Variants in SCN8A observed in about 807,000 individuals in gnomAD.
The protein encoded by SCN8A is sodium voltage-gated channel alpha subunit 8.
A neutral mutation model predicts 184.1 loss-of-function variants in SCN8A; 30 were observed. The ratio of observed to expected loss-of-function variants is 0.16; its 90% CI spans 0.12 to 0.22. The LOEUF is 0.22. Among genes scored for constraint, SCN8A ranks in the 10% least tolerant of loss-of-function variants. The pLI is 1.00. For missense variants in SCN8A, 1,057 were observed against 2,498.9 expected, an observed-to-expected ratio of 0.42 and a Z score of 12.30; for synonymous variants, 852 against 907.0, an observed-to-expected ratio of 0.94 and a Z score of 1.09.
rs1053543226 is a variant in SCN8A, at chr12:51,721,818, C to T, written c.1908C>T (p.Ser636=). The change falls in exon 12 of 27, where the codon AGC becomes AGT. Residue 636 remains serine, a synonymous_variant. Coordinates refer to ENST00000627620, the MANE Select transcript of SCN8A (RefSeq NM_001330260.2). Reference sequence around the variant, plus strand: ...GCATCTTCCCCAGCCTGCGGCGCAGCGTGAAGCGCAACAGCACGGTGGACT... The same window carrying T: ...GCATCTTCCCCAGCCTGCGGCGCAGTGTGAAGCGCAACAGCACGGTGGACT... ...SSRIFPSLRR[S]VKRNSTVDCN... is the part of the protein sequence containing the mutation. The T allele has an allele frequency of 1.1e-5, 18 of 1,607,212 alleles. No individual in the cohort carries two copies. The highest frequency in any genetic ancestry group is 2.7e-5 in the African/African-American group (2 of 74,932).
chr12:51,604,460 CT>C (rs1049029200), intron 1 of SCN8A, among the ~76,000 whole-genome samples: 21 of 152,050 alleles, frequency 1.4e-4, no homozygotes, highest in African/African-American at 4.8e-4. Context: ...CACACGGTCT[CT>C]TTTTTCCCCA....
chr12:51,610,421 G>T (rs902303083), intron 1 of SCN8A, among the ~76,000 whole-genome samples: 1 of 152,046 alleles, frequency 6.6e-6, no homozygotes, highest in African/African-American at 2.4e-5. Context: ...TGCATTTGTT[G>T]CCTGTGTACT....
intron 1 of SCN8A, among the ~76,000 whole-genome samples, chr12:51,660,527 A>G (rs539898547): frequency 6.6e-6 from 1 of 152,332 alleles, no homozygotes; most frequent in East Asian, 1.9e-4. Context: ...TGTGAAAGGG[A>G]TACAAAAGAA....
rs1395968538 is a variant in SCN8A, at chr12:51,751,497, C to T, written c.2274C>T (p.Ala758=). Residue 758 remains alanine (A), a synonymous_variant, in exon 14 of 27, where the codon GCC becomes GCT. Transcript: ENST00000627620. Reference sequence around the variant, plus strand: ...TTATGGACCCTTTTGTGGATTTAGCCATCACCATCTGCATCGTCCTGAATA... The same window carrying T: ...TTATGGACCCTTTTGTGGATTTAGCTATCACCATCTGCATCGTCCTGAATA... ...LIVMDPFVDL[A]ITICIVLNTL... 1 of 1,613,792 alleles carries T rather than the reference C, an allele frequency of 6.2e-7. No homozygotes were observed. Among genetic ancestry groups the T allele is most frequent in the Non-Finnish European group, 8.5e-7 (1 of 1,179,856 alleles).
chr12:51,803,278 G>C (rs1938605895), intron 26 of SCN8A, among the ~76,000 whole-genome samples: 1 of 152,090 alleles, frequency 6.6e-6, no homozygotes, highest in Non-Finnish European at 1.5e-5. Flanking sequence ...TCCAGCGCGG[G>C]AGGAGATGAA....
chr12:51,648,568 C>T lies in SCN8A; in HGVS notation c.-54-14196C>T, dbSNP rs369885294. On this transcript the variant is annotated intron_variant, in intron 1 of 26. Transcript: ENST00000627620. ...GAGGCCTCAGAATCATGGCAGGAGG[C>T]GAAAGGCAATTCTTACATGGCAGCA... Among the ~76,000 whole-genome samples, 22 of 152,040 alleles carry T rather than the reference C, an allele frequency of 1.4e-4. No homozygotes were observed. In the South Asian group the frequency reaches 1.9e-3, roughly 13 times the overall value.
intron 23 of SCN8A, 90 bp downstream of exon 23, chr12:51,788,838 G>C: frequency 9.5e-7 from 1 of 1,054,858 alleles, no homozygotes; most frequent in South Asian, 1.7e-5. Flanking sequence ...AAGAGGAAGG[G>C]ATGAAGGAAT....
At chr12:51,654,476 C>G (rs1277871446) in intron 1 of SCN8A, among the ~76,000 whole-genome samples, 2 of 151,998 alleles carry the variant, frequency 1.3e-5, no homozygotes, top group Non-Finnish European at 1.5e-5. Context: ...GTCTTGGTTC[C>G]CTTGTCAAAA....
At chr12:51,652,405 TAC>T (rs1278387164) in intron 1 of SCN8A, among the ~76,000 whole-genome samples, 7 of 152,220 alleles carry the variant, frequency 4.6e-5, no homozygotes, top group Admixed American at 1.3e-4. Context: ...TCTCATTCTA[TAC>T]ACTATAGCTA....
intron 19 of SCN8A, among the ~76,000 whole-genome samples, chr12:51,771,494 C>T (rs1314181888): frequency 6.6e-6 from 1 of 151,590 alleles, no homozygotes; most frequent in Non-Finnish European, 1.5e-5. Context: ...TTGACAGTGA[C>T]TTGGGAAGTT....
chr12:51,612,736 T>C (rs1939748716), intron 1 of SCN8A, among the ~76,000 whole-genome samples: 1 of 152,134 alleles, frequency 6.6e-6, no homozygotes, highest in Non-Finnish European at 1.5e-5. Context: ...TAATATTTTT[T>C]TTGAGATGGA....
chr12:51,659,271 A>G (rs1940882095), intron 1 of SCN8A, among the ~76,000 whole-genome samples: 1 of 152,186 alleles, frequency 6.6e-6, no homozygotes, highest in Admixed American at 6.5e-5. Context: ...AGCAAAACTA[A>G]TATATGGTGA....
intron 6 of SCN8A, among the ~76,000 whole-genome samples, chr12:51,695,660 C>G (rs1180199023): frequency 6.6e-6 from 1 of 151,566 alleles, no homozygotes; most frequent in Non-Finnish European, 1.5e-5. Context: ...GTGTCCATTT[C>G]TCTCTCTCAG....
Position 51,699,664 on chromosome 12 carries a change from G to A in SCN8A, c.801G>A (p.Leu267=). ...TGTTCTGCCTGAGTGTTTTTGCCTTGATCGGACTGCAGCTGTTCATGGGGA... is the reference window on the plus strand; with the variant it reads ...TGTTCTGCCTGAGTGTTTTTGCCTTAATCGGACTGCAGCTGTTCATGGGGA... The part of the protein sequence containing the change: ...LTVFCLSVFA[L]IGLQLFMGNL... The change falls in exon 7 of 27, where the codon TTG becomes TTA. Residue 267 remains leucine, a synonymous_variant. Coordinates refer to ENST00000627620, the MANE Select transcript of SCN8A (RefSeq NM_001330260.2). 1 of 1,614,080 alleles carries A rather than the reference G, an allele frequency of 6.2e-7. No individual in the cohort carries two copies. Among genetic ancestry groups the A allele is most frequent in the Admixed American group, 1.7e-5 (1 of 60,024 alleles).
chr12:51,696,858 C>T (rs1373184773), intron 6 of SCN8A, among the ~76,000 whole-genome samples: 1 of 151,714 alleles, frequency 6.6e-6, no homozygotes, highest in African/African-American at 2.4e-5. Context: ...TAGTGAAACC[C>T]CATCTCTGCT....
At position 51,712,814 on chromosome 12, in the gene SCN8A, C is replaced by T. The variant is rs928106533; in HGVS notation, c.1635+6099C>T. ...TCACTTCCAAATCCATTATATCCAC[C>T]ATCACCTCCTCCATAACTACCTCTG... On this transcript the variant is annotated intron_variant, in intron 11 of 26. Transcript: ENST00000627620. 6.8e-6 allele frequency: 8 copies of T among 1,183,094 alleles called. No individual in the cohort carries two copies. The Admixed American group carries it at 8.4e-5, about 12-fold the overall frequency. 73.3% of individuals were successfully genotyped at this position (1,183,094 alleles called of 1,614,324 possible). A position where few individuals can be genotyped will look rare whatever the true frequency, so the allele number is the denominator to read the frequency against.
At chr12:51,710,564 C>T (rs536602362) in intron 11 of SCN8A, among the ~76,000 whole-genome samples, 3 of 152,090 alleles carry the variant, frequency 2.0e-5, no homozygotes, top group Non-Finnish European at 2.9e-5. Context: ...GAGTCTGAGG[C>T]GGGAAGATGG....
At chr12:51,675,135 G>A (rs1941201514) in intron 2 of SCN8A, among the ~76,000 whole-genome samples, 1 of 152,230 alleles carries the variant, frequency 6.6e-6, no homozygotes, top group Non-Finnish European at 1.5e-5. Context: ...GGTGATCAAA[G>A]TCAAATTTAT....
chr12:51,688,564 C>G (rs1941456803), intron 5 of SCN8A, among the ~76,000 whole-genome samples: 1 of 152,078 alleles, frequency 6.6e-6, no homozygotes, highest in South Asian at 2.1e-4. Context: ...CCAAAAACCT[C>G]CTTTCTAATA....
Sources: gnomAD v4.1 joint callset for allele counts (sites outside exome capture counted in the v4.1 genomes callset) on GRCh38, gnomAD v4.1.1 for gene constraint, MANE v1.5 for transcripts, NCBI Gene and HGNC (gene_info 2026-07-23, HGNC 2026-07-21) for gene names.